Variants in PSD3 observed in about 807,000 individuals in gnomAD.
The protein encoded by PSD3 is pleckstrin and Sec7 domain containing 3.
Under a neutral mutation model 105.5 loss-of-function variants are expected in PSD3, and 49 were observed. That is an observed-to-expected ratio of 0.46 (90% CI 0.37 to 0.59). The LOEUF (loss-of-function observed/expected upper bound fraction) is 0.59, where lower values mean the gene tolerates loss of function less well. Among genes scored for constraint, PSD3 ranks in the 20% least tolerant of loss-of-function variants. The probability of loss-of-function intolerance (pLI) is 0.00; values close to 1 mark genes in which losing one functional copy is unlikely to be tolerated. For synonymous variants in PSD3, 557 were observed against 457.8 expected (o/e 1.22, Z -2.77); for missense variants, 1,561 against 1,263.8 (o/e 1.24, Z -3.57).
chr8:18,616,914 C>T lies in PSD3; in HGVS notation c.2410+15699G>A, dbSNP rs140296002. ...CTGGGATTACAGGCGTGAGCCACCG[C>T]GCCCGGCCATCTTCCTCTCTTTTCA... is the stretch of plus-strand genomic sequence containing the variant. On this transcript the variant is annotated intron_variant, in intron 11 of 15. Coordinates refer to ENST00000327040, the MANE Select transcript of PSD3 (RefSeq NM_015310.4). 9.3e-3 allele frequency among the ~76,000 whole-genome samples: 1,411 copies of T among 152,250 alleles called. 16 individuals are homozygous for T. The highest frequency in any genetic ancestry group is 0.031 in the African/African-American group (1,308 of 41,558).
At chr8:18,745,938 T>C (rs914650969) in intron 9 of PSD3, among the ~76,000 whole-genome samples, 1 of 152,198 alleles carries the variant, frequency 6.6e-6, no homozygotes, top group African/African-American at 2.4e-5. Flanking sequence ...TATCCTAGTA[T>C]ACAGATAAAG....
intron 1 of PSD3, among the ~76,000 whole-genome samples, chr8:18,941,169 TCA>T (rs1822512539): frequency 6.6e-6 from 1 of 152,240 alleles, no homozygotes; most frequent in Non-Finnish European, 1.5e-5. Context: ...TTTTGCTTCA[TCA>T]CAGTTGTTTT....
At chr8:18,553,516 C>G (rs114508319) in intron 15 of PSD3, among the ~76,000 whole-genome samples, 2 of 152,148 alleles carry the variant, frequency 1.3e-5, no homozygotes, top group African/African-American at 2.4e-5. Flanking sequence ...AACAAACGTG[C>G]GTCAATTAGT....
intron 11 of PSD3, among the ~76,000 whole-genome samples, chr8:18,618,625 A>T (rs1805874773): frequency 2.1e-5 from 3 of 140,930 alleles, no homozygotes; most frequent in Non-Finnish European, 5.0e-5. Flanking sequence ...GCAGTGTACT[A>T]CACACCATAA....
Position 18,916,741 on chromosome 8 carries a change from C to T in PSD3, c.130+19293G>A, listed in dbSNP as rs946341471. Among the ~76,000 whole-genome samples, 3 of 151,446 alleles carry T rather than the reference C, an allele frequency of 2.0e-5. No individual in the cohort carries two copies. In the East Asian group the frequency reaches 5.8e-4, roughly 29 times the overall value. On this transcript the variant is annotated intron_variant, in intron 2 of 15. Transcript: ENST00000327040. Reference sequence around the variant, plus strand: ...GAGTAGATCTTAAATGTTCCCACCACAAAAAAATAAGTATGTAAGGTAAAG... The same window carrying T: ...GAGTAGATCTTAAATGTTCCCACCATAAAAAAATAAGTATGTAAGGTAAAG...
chr8:18,770,181 C>A (rs550244493), intron 8 of PSD3, among the ~76,000 whole-genome samples: 3 of 152,276 alleles, frequency 2.0e-5, no homozygotes, highest in Non-Finnish European at 2.9e-5. Flanking sequence ...TGGGTATGAA[C>A]GGGTATGCTA....
chr8:18,707,183 T>A (rs1024386210), intron 9 of PSD3, among the ~76,000 whole-genome samples: 1 of 152,048 alleles, frequency 6.6e-6, no homozygotes, highest in Non-Finnish European at 1.5e-5. Flanking sequence ...ATCCTACCCA[T>A]CCTTCAAAAA....
chr8:18,974,477 G>A (rs1350975392), intron 1 of PSD3, among the ~76,000 whole-genome samples: 1 of 152,146 alleles, frequency 6.6e-6, no homozygotes, highest in Non-Finnish European at 1.5e-5. Flanking sequence ...CGCAAGGAGA[G>A]CAAATTCTAT....
intron 8 of PSD3, among the ~76,000 whole-genome samples, chr8:18,793,025 G>A (rs567744343): frequency 6.6e-6 from 1 of 152,268 alleles, no homozygotes; most frequent in East Asian, 1.9e-4. Context: ...ATGCTTTGTA[G>A]GGACATGGAT....
chr8:18,823,694 A>G (rs897353136), intron 4 of PSD3, among the ~76,000 whole-genome samples: 2 of 152,044 alleles, frequency 1.3e-5, no homozygotes, highest in African/African-American at 4.8e-5. Flanking sequence ...GATACCATTT[A>G]AAACTTGCCT....
intron 4 of PSD3, among the ~76,000 whole-genome samples, chr8:18,816,984 G>A (rs985049885): frequency 3.3e-5 from 5 of 152,174 alleles, no homozygotes; most frequent in Non-Finnish European, 7.3e-5. Context: ...CTGAGGATGT[G>A]GCTTTGCAAG....
chr8:19,013,886 G>T (rs1275713772), upstream of PSD3, among the ~76,000 whole-genome samples: 1 of 150,172 alleles, frequency 6.7e-6, no homozygotes, highest in Non-Finnish European at 1.5e-5. Context: ...GAGGGGGGAG[G>T]TGGCTGGGCC....
chr8:19,082,497 A>G (rs1455976023), intron 1 of PSD3, among the ~76,000 whole-genome samples: 1 of 152,198 alleles, frequency 6.6e-6, no homozygotes, highest in East Asian at 1.9e-4. Context: ...AAGGACTTGG[A>G]CTTGGGGCTT....
chr8:18,626,296 G>C (rs1472518290), intron 11 of PSD3, among the ~76,000 whole-genome samples: 1 of 151,660 alleles, frequency 6.6e-6, no homozygotes, highest in Non-Finnish European at 1.5e-5. Context: ...TGGTCCATTT[G>C]AGACAAGTGT....
intron 15 of PSD3, among the ~76,000 whole-genome samples, chr8:18,546,846 T>A (rs1800479993): frequency 6.6e-6 from 1 of 152,192 alleles, no homozygotes; most frequent in Non-Finnish European, 1.5e-5. Flanking sequence ...TCTTTGTGTT[T>A]GAGTTTTTTA....
chr8:18,753,798 T>C (rs531260144), intron 9 of PSD3, among the ~76,000 whole-genome samples: 1 of 152,270 alleles, frequency 6.6e-6, no homozygotes, highest in South Asian at 2.1e-4. Flanking sequence ...TCAAACCAAG[T>C]AAACAAAATG....
intron 6 of PSD3, among the ~76,000 whole-genome samples, chr8:18,803,685 A>C (rs183598439): frequency 8.7e-4 from 133 of 152,280 alleles, no homozygotes; most frequent in Non-Finnish European, 1.6e-3. Context: ...AATCACAAAA[A>C]GGCAAATAAT....
At chr8:19,021,634 A>G (rs1827365667) in intron 1 of PSD3, among the ~76,000 whole-genome samples, 1 of 151,856 alleles carries the variant, frequency 6.6e-6, no homozygotes. Context: ...TATCATAACC[A>G]GGATTTTGAA....
intron 9 of PSD3, among the ~76,000 whole-genome samples, chr8:18,750,338 T>TTC (rs1805372443): frequency 6.6e-6 from 1 of 152,112 alleles, no homozygotes; most frequent in African/African-American, 2.4e-5. Context: ...GTTCGTGGTC[T>TTC]CGCTGGCTCA....
Sources: gnomAD v4.1 joint callset for allele counts (sites outside exome capture counted in the v4.1 genomes callset) on GRCh38, gnomAD v4.1.1 for gene constraint, MANE v1.5 for transcripts, NCBI Gene and HGNC (gene_info 2026-07-23, HGNC 2026-07-21) for gene names.